The following STK36 variants were observed in gnomAD, a reference collection of about 807,000 sequenced individuals.
The protein encoded by STK36 is serine/threonine-protein kinase 36.
A neutral mutation model predicts 142.2 loss-of-function variants in STK36; 116 were observed. That is an observed-to-expected ratio of 0.82 (90% confidence interval 0.70 to 0.95). The LOEUF (loss-of-function observed/expected upper bound fraction) is 0.95, where lower values mean the gene tolerates loss of function less well. Ranked by LOEUF, STK36 falls within the 40% of genes least tolerant of loss-of-function variation. STK36 has a pLI of 0.00. For synonymous variants in STK36, 619 were observed against 641.7 expected (o/e 0.96, Z 0.53); for missense variants, 1,422 against 1,617.2 (o/e 0.88, Z 2.07).
chr2:218,672,708 G>A, intron 1 of STK36, 33 bp from the exon 2 acceptor site: 2 of 885,434 alleles, frequency 2.3e-6, no homozygotes, highest in South Asian at 3.1e-5. Context: ...AGGCAAGGTG[G>A]CTAACATTTT....
intron 26 of STK36, among the ~76,000 whole-genome samples, chr2:218,699,655 T>G (rs1235544429): frequency 3.9e-5 from 6 of 152,046 alleles, no homozygotes; most frequent in Admixed American, 3.3e-4. Context: ...TAGAGTAGTT[T>G]TACTCTGTGT....
At chr2:218,684,632 G>C (rs576221691) in intron 10 of STK36, 1 of 153,452 alleles carries the variant, frequency 6.5e-6, no homozygotes, top group East Asian at 1.9e-4. Context: ...CATTGGCCAG[G>C]CTGGTCTTGA....
rs770824804 is a variant in STK36, at chr2:218,694,632, A to G, written c.2508A>G (p.Ala836=). 2 of 1,614,054 alleles carry G rather than the reference A, an allele frequency of 1.2e-6. No homozygotes were observed. The highest frequency in any genetic ancestry group is 2.2e-5 in the South Asian group (2 of 91,080). ...CCACACATGCCTTGTCTGCCCCTGC[A>G]GAGGTGAGGCCCCCCAGGGAGGGCA... ...AAATHALSAP[A]EVRLTPPGSC... Residue 836 remains alanine, a synonymous_variant, in exon 21 of 27, where the codon GCA becomes GCG. Transcript: ENST00000295709. This position sits in a 1 kb window ranked among gnomAD's most constrained non-coding sequence, Gnocchi z 4.4.
At chr2:218,692,066 C>A (rs1162202198) in intron 14 of STK36, 77 bp from the exon 15 acceptor site, 3 of 1,534,468 alleles carry the variant, frequency 2.0e-6, no homozygotes, top group South Asian at 2.5e-5. Context: ...TCCTCAGATC[C>A]TCAGGGTTTT....
chr2:218,679,931 C>A lies in STK36; in HGVS notation c.987C>A (p.Asp329Glu). 6.2e-7 allele frequency: 1 copy of A among 1,614,142 alleles called. No individual in the cohort carries two copies. Among genetic ancestry groups the A allele is most frequent in the Non-Finnish European group, 8.5e-7 (1 of 1,179,998 alleles). The part of the protein sequence containing the change: ...QNTGPALEQE[D>E]KTSKVAPGTA... Reference sequence around the variant, plus strand: ...CAGGACCTGCCCTTGAGCAAGAGGACAAGACCAGCAAGGTGGCTCCTGGCA... The same window carrying A: ...CAGGACCTGCCCTTGAGCAAGAGGAAAAGACCAGCAAGGTGGCTCCTGGCA... The change falls in exon 9 of 27, where the codon GAC (aspartate) becomes GAA (glutamate). Residue 329 changes from aspartate to glutamate, a missense_variant. Asp to Glu is a conservative substitution (Grantham distance 45). Around this residue, in one of 2 missense-constraint regions of STK36, gnomAD observed 460 missense variants for 449.6 expected, o/e 1.02. Coordinates refer to ENST00000295709, the MANE Select transcript of STK36 (RefSeq NM_015690.5).
At chr2:218,675,151 T>TTGAA (rs911826709) in intron 4 of STK36, among the ~76,000 whole-genome samples, 192 bp from the exon 5 acceptor site, 1 of 152,132 alleles carries the variant, frequency 6.6e-6, no homozygotes, top group Non-Finnish European at 1.5e-5. Flanking sequence ...TAAATTTTTC[T>TTGAA]TGAATGAATG....
rs758003389 is a variant in STK36 at position 218,697,200 on chromosome 2, G to A, written c.2748G>A (p.Leu916=). 6.2e-7 allele frequency: 1 copy of A among 1,612,516 alleles called. No individual in the cohort carries two copies. The highest frequency in any genetic ancestry group is 8.5e-7 in the Non-Finnish European group (1 of 1,179,472). Residue 916 remains leucine, a synonymous_variant, in exon 23 of 27, where the codon CTG becomes CTA. Coordinates refer to ENST00000295709, the MANE Select transcript of STK36 (RefSeq NM_015690.5). ...CAAGCCCTGAGCCAGACTGGACACT[G>A]ATTTCTCCCCAGGGTATCTTTCTAT... ...SPPSPEPDWT[L]ISPQGMAALL...
chr2:218,697,032 T>C lies in STK36; in HGVS notation c.2587-7T>C, dbSNP rs374053223. ...TTCCCCCCGCCCTCTTTCACTTTTA[T>C]CTCTAGCAGGGGAAGGCTAGCCTAA... On this transcript the variant is annotated splice_polypyrimidine_tract_variant and splice_region_variant and intron_variant, in intron 22 of 26. Coordinates refer to ENST00000295709, the MANE Select transcript of STK36 (RefSeq NM_015690.5). 72 of 1,613,362 alleles carry C rather than the reference T, an allele frequency of 4.5e-5. No individual in the cohort carries two copies. The highest frequency in any genetic ancestry group is 5.8e-5 in the Non-Finnish European group (69 of 1,179,736).
chr2:218,687,675 C>T (rs573484013), intron 11 of STK36, among the ~76,000 whole-genome samples: 29 of 152,272 alleles, frequency 1.9e-4, no homozygotes, highest in South Asian at 6.2e-4. Context: ...TCATTAGCTG[C>T]GTGATCTTGG....
Position 218,679,208 on chromosome 2 carries a change from G to C in STK36, c.725G>C (p.Arg242Pro), listed in dbSNP as rs765181792. ...QGLLTKDPRQ[R>P]LSWPDLLYHP... The stretch of plus-strand genomic sequence containing the variant: ...CTGCTCACCAAAGACCCACGGCAGC[G>C]ACTGTCCTGGCCAGACCTCTTATAT... The change falls in exon 7 of 27, where the codon CGA becomes CCA. Residue 242 changes from arginine (R) to proline (P), a missense_variant. Arg to Pro is a moderately radical substitution (Grantham distance 103). Coordinates refer to ENST00000295709, the MANE Select transcript of STK36 (RefSeq NM_015690.5). 1 of 1,614,158 alleles carries C rather than the reference G, an allele frequency of 6.2e-7. No individual in the cohort carries two copies. Among genetic ancestry groups the C allele is most frequent in the South Asian group, 1.1e-5 (1 of 91,066 alleles).
chr2:218,692,704 G>A lies in STK36; in HGVS notation c.2037G>A (p.Lys679=), dbSNP rs1442896793. The part of the protein sequence containing the change: ...PVGLPDCWDA[K]EQVCWHLANQ... ...GACTGCCCGACTGCTGGGATGCCAA[G>A]GAGCAGGTCCGAGCTACAATTGGTT... is the stretch of plus-strand genomic sequence containing the variant. The change falls in exon 16 of 27, where the codon AAG becomes AAA. Residue 679 remains lysine, a synonymous_variant. Coordinates refer to ENST00000295709, the MANE Select transcript of STK36 (RefSeq NM_015690.5). 6.2e-7 allele frequency: 1 copy of A among 1,612,614 alleles called. No homozygotes were observed. Among genetic ancestry groups the A allele is most frequent in the Middle Eastern group, 1.7e-4 (1 of 5,882 alleles).
chr2:218,675,968 A>G (rs1010322288), intron 5 of STK36, 61 bp from the exon 6 acceptor site: 28 of 1,594,166 alleles, frequency 1.8e-5, no homozygotes, highest in Admixed American at 3.4e-5. Context: ...TATGTTAGGT[A>G]GTAGTGACCA....
chr2:218,697,436 T>G (rs765188736), intron 23 of STK36, 27 bp from the exon 24 acceptor site: 1 of 1,612,754 alleles, frequency 6.2e-7, no homozygotes, highest in South Asian at 1.1e-5. Context: ...GCCTGTTCCA[T>G]TGGGTCTCCA....
intron 8 of STK36, 38 bp downstream of exon 8, chr2:218,679,767 C>A (rs751830610): frequency 1.2e-6 from 2 of 1,612,952 alleles, no homozygotes; most frequent in Non-Finnish European, 1.7e-6. Flanking sequence ...AATGACCAGG[C>A]TAGTGACTGG....
In STK36 at chr2:218,699,251, G is replaced by A. The variant is rs559347440; in HGVS notation, c.3707G>A (p.Arg1236Gln). 11 of 1,613,976 alleles carry A rather than the reference G, an allele frequency of 6.8e-6. No homozygotes were observed. The highest frequency in any genetic ancestry group is 4.0e-5 in the African/African-American group (3 of 75,016). Residue 1236 changes from arginine (R) to glutamine (Q), a missense_variant, in exon 26 of 27, where the codon CGG becomes CAG. Transcript: ENST00000295709. The part of the protein sequence containing the change: ...EELLQCEVPQ[R>Q]LLEMACGDPQ... Reference sequence around the variant, plus strand: ...CTGTTACAGTGCGAAGTACCCCAGCGGCTCCTAGAAATGGCATGTGGAGAC... The same window carrying A: ...CTGTTACAGTGCGAAGTACCCCAGCAGCTCCTAGAAATGGCATGTGGAGAC...
intron 18 of STK36, 27 bp downstream of exon 18, chr2:218,693,848 A>G: frequency 5.0e-6 from 8 of 1,614,172 alleles, no homozygotes; most frequent in Non-Finnish European, 6.8e-6. Context: ...TGGCAGCCCC[A>G]CTGTCTCAGC....
intron 6 of STK36, among the ~76,000 whole-genome samples, chr2:218,677,860 G>A (rs1015878585): frequency 6.6e-6 from 1 of 152,060 alleles, no homozygotes; most frequent in Non-Finnish European, 1.5e-5. Flanking sequence ...GCACGATCTC[G>A]GCTCACTGCA....
chr2:218,674,507 G>C (rs1403210076), intron 4 of STK36, among the ~76,000 whole-genome samples: 1 of 152,098 alleles, frequency 6.6e-6, no homozygotes, highest in African/African-American at 2.4e-5. Context: ...AAGCAAGTAG[G>C]CCCCCCCTGG....
intron 3 of STK36, 47 bp from the exon 4 acceptor site, chr2:218,673,832 G>C (rs748509106): frequency 6.8e-6 from 11 of 1,614,142 alleles, no homozygotes; most frequent in South Asian, 1.1e-5. Context: ...CCCAACCTCA[G>C]AATGCATGAA....
Sources: gnomAD v4.1 joint callset for allele counts (sites outside exome capture counted in the v4.1 genomes callset) on GRCh38, gnomAD v4.1.1 for gene constraint, gnomAD v4.1.1 regional missense constraint, Gnocchi (gnomAD v3.1) non-coding constraint, MANE v1.5 for transcripts, NCBI Gene and HGNC (gene_info 2026-07-23, HGNC 2026-07-21) for gene names.